The following TMC7 variants were observed in gnomAD, a reference collection of about 807,000 sequenced individuals.
TMC7 encodes transmembrane channel-like protein 7.
A neutral mutation model predicts 82.9 loss-of-function variants in TMC7; 54 were observed. The ratio of observed to expected loss-of-function variants is 0.65; its 90% CI spans 0.52 to 0.82. TMC7 has a LOEUF of 0.82. TMC7 is among the 40% of genes least tolerant of loss of function. TMC7 has a pLI of 0.00. For synonymous variants in TMC7, 350 were observed against 337.9 expected (o/e 1.04, Z -0.39); for missense variants, 820 against 901.2 (o/e 0.91, Z 1.15).
chr16:19,003,393 C>T (rs2039175591), intron 1 of TMC7, among the ~76,000 whole-genome samples: 1 of 149,418 alleles, frequency 6.7e-6, no homozygotes, highest in African/African-American at 2.5e-5. Flanking sequence ...GCCGCCCCGT[C>T]CGGGAGGGAG....
At chr16:19,014,457 A>T (rs1020269735) in intron 2 of TMC7, among the ~76,000 whole-genome samples, 1 of 152,148 alleles carries the variant, frequency 6.6e-6, no homozygotes, top group Non-Finnish European at 1.5e-5. Context: ...GCTCGTTTGG[A>T]TGGAAGGTTC....
At chr16:19,059,059 G>A (rs1035563086) in intron 14 of TMC7, among the ~76,000 whole-genome samples, 2 of 152,102 alleles carry the variant, frequency 1.3e-5, no homozygotes, top group Non-Finnish European at 2.9e-5. Context: ...TGTATTTTTA[G>A]TAGAGACGGG....
intron 9 of TMC7, among the ~76,000 whole-genome samples, chr16:19,041,582 G>C (rs981564930): frequency 6.6e-6 from 1 of 152,052 alleles, no homozygotes; most frequent in Non-Finnish European, 1.5e-5. Flanking sequence ...ATGTTGGCCA[G>C]GCTGGTCTCG....
chr16:19,024,351 G>A (rs1960123949), intron 5 of TMC7, among the ~76,000 whole-genome samples: 1 of 152,080 alleles, frequency 6.6e-6, no homozygotes, highest in Admixed American at 6.6e-5. Flanking sequence ...AGCCCAGAAG[G>A]TTGAGGCTGC....
At chr16:19,039,078 CTTCT>C (rs1426107269) in intron 8 of TMC7, among the ~76,000 whole-genome samples, 1 of 147,572 alleles carries the variant, frequency 6.8e-6, no homozygotes, top group Non-Finnish European at 1.5e-5. Flanking sequence ...GTTTTCTTTT[CTTCT>C]TTCTTTTTTC....
intron 2 of TMC7, among the ~76,000 whole-genome samples, chr16:19,010,844 A>G (rs188181071): frequency 6.6e-6 from 1 of 152,222 alleles, no homozygotes; most frequent in Non-Finnish European, 1.5e-5. Context: ...ATCACATGGT[A>G]TCATCAGGAT....
At chr16:19,042,191 T>G (rs892008031) in intron 9 of TMC7, among the ~76,000 whole-genome samples, 4 of 152,068 alleles carry the variant, frequency 2.6e-5, no homozygotes, top group Non-Finnish European at 4.4e-5. Flanking sequence ...TCCATTTTAT[T>G]TATTTATTTT....
chr16:19,043,684 C>T (rs1415962762), intron 9 of TMC7, among the ~76,000 whole-genome samples: 1 of 152,160 alleles, frequency 6.6e-6, no homozygotes. Flanking sequence ...GATTCTCCCA[C>T]CTCAGCCTCC....
chr16:19,035,650 G>A (rs370056092), intron 6 of TMC7, 26 bp from the exon 7 acceptor site: 11 of 1,614,060 alleles, frequency 6.8e-6, no homozygotes, highest in Admixed American at 5.0e-5. Flanking sequence ...GTTTCTATAA[G>A]AAGGATGATT....
intron 1 of TMC7, among the ~76,000 whole-genome samples, chr16:18,996,346 G>A (rs2039043388): frequency 6.6e-6 from 1 of 152,108 alleles, no homozygotes; most frequent in Non-Finnish European, 1.5e-5. Flanking sequence ...AGACTAGGGA[G>A]GGAGCAATGT....
At chr16:19,037,393 AAAAAAAAAAAG>A (rs1960798246) in intron 7 of TMC7, among the ~76,000 whole-genome samples, 1 of 136,034 alleles carries the variant, frequency 7.4e-6, no homozygotes, top group African/African-American at 2.6e-5. Flanking sequence ...TCTCAAAAAA[AAAAAAAAAAAG>A]AAAGAAAAAA....
At chr16:19,050,302 G>A (rs1961469253) in intron 12 of TMC7, among the ~76,000 whole-genome samples, 1 of 143,592 alleles carries the variant, frequency 7.0e-6, no homozygotes, top group South Asian at 2.3e-4. Flanking sequence ...GGGAGGCGGA[G>A]CTTGCAGTGA....
At chr16:19,056,865 C>T (rs1035976892) in intron 14 of TMC7, among the ~76,000 whole-genome samples, 168 bp downstream of exon 14, 1 of 152,088 alleles carries the variant, frequency 6.6e-6, no homozygotes, top group Non-Finnish European at 1.5e-5. Flanking sequence ...TGGCTCATGC[C>T]TGTAATCCCA....
intron 13 of TMC7, among the ~76,000 whole-genome samples, chr16:19,055,468 G>A (rs1338408471): frequency 1.3e-5 from 2 of 151,786 alleles, no homozygotes; most frequent in African/African-American, 4.8e-5. Flanking sequence ...AGCAACTCTC[G>A]TGCCTCAGCC....
At chr16:18,999,357 T>C (rs900787656) in intron 1 of TMC7, among the ~76,000 whole-genome samples, 3 of 152,226 alleles carry the variant, frequency 2.0e-5, no homozygotes, top group African/African-American at 7.2e-5. Flanking sequence ...TATTGGACAG[T>C]GCAGATATAG....
chr16:19,031,192 C>T (rs1243096952), intron 6 of TMC7, among the ~76,000 whole-genome samples: 3 of 152,206 alleles, frequency 2.0e-5, no homozygotes, highest in Non-Finnish European at 4.4e-5. Flanking sequence ...TCAGCCTTGA[C>T]CTCCTGGGTC....
At chr16:19,026,113 G>A (rs978952279) in intron 5 of TMC7, among the ~76,000 whole-genome samples, 1 of 151,402 alleles carries the variant, frequency 6.6e-6, no homozygotes, top group South Asian at 2.1e-4. Context: ...CTGATCTCAC[G>A]TTTTCCTAAA....
rs1195787154 is a variant in TMC7, at chr16:19,009,257, TAGG to T, written c.156_158del (p.Arg53del). On this transcript the variant is annotated inframe_deletion, in exon 2 of 16. Coordinates refer to ENST00000304381, the MANE Select transcript of TMC7 (RefSeq NM_024847.4). ...TGCCAAGCTACCGGTCCATTGCACG[TAGG>T]AGAACGACTGTCCATTCCCGGGACA... 3.1e-6 allele frequency: 5 copies of T among 1,614,204 alleles called. No homozygotes were observed. In the Admixed American group the frequency reaches 5.0e-5, roughly 16 times the overall value.
chr16:19,003,620 T>G (rs2039181975), intron 1 of TMC7, among the ~76,000 whole-genome samples: 1 of 142,378 alleles, frequency 7.0e-6, no homozygotes, highest in Non-Finnish European at 1.5e-5. Flanking sequence ...GATTGAGAAA[T>G]CGGATGGTTG....
Sources: allele counts gnomAD v4.1 joint callset (sites outside exome capture counted in the v4.1 genomes callset), GRCh38; gene constraint gnomAD v4.1.1; transcripts MANE v1.5; gene names NCBI Gene and HGNC (gene_info 2026-07-23, HGNC 2026-07-21).